MRE11: variants seen among roughly 807,000 people sequenced by gnomAD.
MRE11 encodes MRE11 double strand break repair nuclease.
A neutral mutation model predicts 91.7 loss-of-function variants in MRE11; 62 were observed. The observed-to-expected ratio is 0.68, with a 90% CI of 0.55 to 0.84. The LOEUF (loss-of-function observed/expected upper bound fraction) is 0.84. Ranked by LOEUF, MRE11 falls within the 40% of genes least tolerant of loss-of-function variation. The pLI is 0.00. For missense variants in MRE11, 796 were observed against 852.9 expected, an observed-to-expected ratio of 0.93 and a Z score of 0.83; for synonymous variants, 273 against 271.4, an observed-to-expected ratio of 1.01 and a Z score of -0.06.
intron 3 of MRE11, among the ~76,000 whole-genome samples, chr11:94,488,046 G>A (rs1271404460): frequency 6.6e-6 from 1 of 152,214 alleles, no homozygotes; most frequent in Non-Finnish European, 1.5e-5. Flanking sequence ...CCTACCTGGG[G>A]TTATGGGGGG....
upstream of MRE11, chr11:94,498,751 AT>A (rs1947453559): frequency 1.8e-6 from 1 of 556,754 alleles, no homozygotes; most frequent in Non-Finnish European, 3.1e-6. Context: ...TGATTTTTTT[AT>A]CAGAAATAAT....
At chr11:94,441,116 T>C (rs1034298753) in intron 16 of MRE11, among the ~76,000 whole-genome samples, 1 of 152,152 alleles carries the variant, frequency 6.6e-6, no homozygotes, top group Admixed American at 6.5e-5. Flanking sequence ...TGCATGCCAC[T>C]CCTGATAGGT....
At chr11:94,437,711 A>G (rs1445561152) in intron 16 of MRE11, among the ~76,000 whole-genome samples, 1 of 152,244 alleles carries the variant, frequency 6.6e-6, no homozygotes, top group Non-Finnish European at 1.5e-5. Flanking sequence ...AGAATTCTAG[A>G]AAACAGCATT....
intron 16 of MRE11, among the ~76,000 whole-genome samples, chr11:94,442,097 T>C (rs964993793): frequency 5.9e-5 from 9 of 151,966 alleles, no homozygotes; most frequent in Admixed American, 5.9e-4. Flanking sequence ...TATCATTATT[T>C]AACTGAAGAC....
At chr11:94,466,889 G>A (rs1035844423) in intron 10 of MRE11, among the ~76,000 whole-genome samples, 4 of 152,108 alleles carry the variant, frequency 2.6e-5, no homozygotes, top group African/African-American at 7.2e-5. Flanking sequence ...ACAAGAAGGA[G>A]GTCTACGTAA....
intron 13 of MRE11, 43 bp downstream of exon 13, chr11:94,459,365 C>T: frequency 6.2e-7 from 1 of 1,603,610 alleles, no homozygotes. Flanking sequence ...CTCTTAAAGA[C>T]AGACTATTTA....
chr11:94,444,073 AT>A (rs1278882450), intron 16 of MRE11, among the ~76,000 whole-genome samples: 1 of 151,602 alleles, frequency 6.6e-6, no homozygotes, highest in African/African-American at 2.4e-5. Flanking sequence ...TGCCTGGATA[AT>A]TTTTTGTATT....
At chr11:94,450,179 C>T (rs551888953) in intron 14 of MRE11, among the ~76,000 whole-genome samples, 36 of 152,054 alleles carry the variant, frequency 2.4e-4, no homozygotes, top group Non-Finnish European at 4.3e-4. Flanking sequence ...TAAACAGAAA[C>T]ACATTAAAAA....
chr11:94,465,393 CTCTT>C (rs1483737292), intron 10 of MRE11, among the ~76,000 whole-genome samples: 4 of 145,294 alleles, frequency 2.8e-5, no homozygotes, highest in African/African-American at 5.3e-5. Context: ...CTCTCTCTCT[CTCTT>C]TTTTTTTTTT....
upstream of MRE11, among the ~76,000 whole-genome samples, chr11:94,496,188 C>T (rs1484720536): frequency 1.3e-5 from 2 of 152,028 alleles, no homozygotes; most frequent in Admixed American, 6.6e-5. Flanking sequence ...CCTGATTCTT[C>T]GAAATAGTAT....
intron 19 of MRE11, among the ~76,000 whole-genome samples, chr11:94,425,725 C>A (rs1945296597): frequency 6.6e-6 from 1 of 152,102 alleles, no homozygotes; most frequent in African/African-American, 2.4e-5. Flanking sequence ...GATTTTAAAC[C>A]AACCAACAGT....
upstream of MRE11, among the ~76,000 whole-genome samples, chr11:94,495,640 G>A (rs1342853647): frequency 2.0e-5 from 3 of 152,270 alleles, no homozygotes; most frequent in South Asian, 4.1e-4. Context: ...TTTATATGTT[G>A]TGTAACCCTT....
the MRE11 span, among the ~76,000 whole-genome samples, chr11:94,507,862 A>T: frequency 6.6e-6 from 1 of 151,662 alleles, no homozygotes; most frequent in Non-Finnish European, 1.5e-5. Flanking sequence ...GAAGTTCTTT[A>T]TATATTCTGG....
chr11:94,482,811 A>G (rs12807066), intron 4 of MRE11, among the ~76,000 whole-genome samples: 5,448 of 152,122 alleles, frequency 0.036, 221 homozygotes, highest in African/African-American at 0.098. Flanking sequence ...GGTGGTGCAC[A>G]CTTGTAGTCC....
intron 19 of MRE11, among the ~76,000 whole-genome samples, chr11:94,427,297 T>C (rs561343231): frequency 6.6e-6 from 1 of 152,190 alleles, no homozygotes; most frequent in African/African-American, 2.4e-5. Context: ...AAAAACGATA[T>C]GATCACTTCA....
In MRE11 at chr11:94,429,957, A is replaced by G. The variant is rs1173614760; in HGVS notation, c.2024T>C (p.Met675Thr). 4.3e-6 allele frequency: 7 copies of G among 1,614,132 alleles called. No individual in the cohort carries two copies. The highest frequency in any genetic ancestry group is 5.9e-6 in the Non-Finnish European group (7 of 1,180,012). ...RWSSTSSSKI[M>T]SQSQVSKGVD... ...CCCTTTCGATACTTGACTCTGGGACATGATTTTGCTGGATGATGTGCTGGA... is the reference window on the plus strand; with the variant it reads ...CCCTTTCGATACTTGACTCTGGGACGTGATTTTGCTGGATGATGTGCTGGA... Residue 675 changes from methionine (M) to threonine (T), a missense_variant, in exon 19 of 20, where the codon ATG (methionine) becomes ACG (threonine). Met to Thr is a moderately conservative substitution (Grantham distance 81, BLOSUM62 -1). Coordinates refer to ENST00000323929, the MANE Select transcript of MRE11 (RefSeq NM_005591.4).
At chr11:94,458,358 G>C (rs1038017388) in intron 13 of MRE11, among the ~76,000 whole-genome samples, 1 of 133,668 alleles carries the variant, frequency 7.5e-6, no homozygotes, top group Admixed American at 8.0e-5. Context: ...AAAAATAATT[G>C]AGATTATACT....
intron 19 of MRE11, among the ~76,000 whole-genome samples, chr11:94,424,990 A>G (rs1945272742): frequency 6.6e-6 from 1 of 152,216 alleles, no homozygotes; most frequent in Admixed American, 6.5e-5. Context: ...AAATTAAGAA[A>G]TACAGAGAAT....
At chr11:94,475,526 G>A in intron 7 of MRE11, 1 of 447,674 alleles carries the variant, frequency 2.2e-6, no homozygotes, top group East Asian at 7.0e-5. Flanking sequence ...CTGTTTCATT[G>A]CCATCACTGT....
Sources: allele counts gnomAD v4.1 joint callset (sites outside exome capture counted in the v4.1 genomes callset), GRCh38; gene constraint gnomAD v4.1.1; transcripts MANE v1.5; gene names NCBI Gene and HGNC (gene_info 2026-07-23, HGNC 2026-07-21).